The following AKAP6 variants were observed in gnomAD, a reference collection of about 807,000 sequenced individuals.
AKAP6 encodes A-kinase anchor protein 6.
A neutral mutation model predicts 188.5 loss-of-function variants in AKAP6; 58 were observed. The observed-to-expected ratio is 0.31, with a 90% CI of 0.25 to 0.38. The LOEUF (loss-of-function observed/expected upper bound fraction) is 0.38, where lower values mean the gene tolerates loss of function less well. AKAP6 is among the 10% of genes least tolerant of loss of function. The pLI is 1.00. For synonymous variants in AKAP6, 989 were observed against 998.6 expected (o/e 0.99, Z 0.18); for missense variants, 2,710 against 2,740.0 (o/e 0.99, Z 0.24).
At chr14:32,610,635 C>T (rs1886313945) in intron 7 of AKAP6, among the ~76,000 whole-genome samples, 1 of 151,976 alleles carries the variant, frequency 6.6e-6, no homozygotes, top group South Asian at 2.1e-4. Flanking sequence ...CCTGGGAAGG[C>T]CTAAGAGAAG....
At chr14:32,343,133 G>C (rs1219639256) in intron 1 of AKAP6, among the ~76,000 whole-genome samples, 1 of 152,132 alleles carries the variant, frequency 6.6e-6, no homozygotes, top group Non-Finnish European at 1.5e-5. Flanking sequence ...GATCTTCTGG[G>C]TTCAAATCTC....
At chr14:32,558,956 A>C (rs765988702) in intron 4 of AKAP6, among the ~76,000 whole-genome samples, 2 of 152,224 alleles carry the variant, frequency 1.3e-5, no homozygotes, top group African/African-American at 2.4e-5. Flanking sequence ...TAAGCTATGA[A>C]TATTGGGAGG....
At chr14:32,449,037 T>G (rs1890845749) in intron 2 of AKAP6, among the ~76,000 whole-genome samples, 1 of 152,202 alleles carries the variant, frequency 6.6e-6, no homozygotes, top group Non-Finnish European at 1.5e-5. Context: ...AAGCTCTCAT[T>G]CCCAGGTAGA....
chr14:32,818,991 C>T (rs1332032363), intron 12 of AKAP6, among the ~76,000 whole-genome samples: 2 of 152,138 alleles, frequency 1.3e-5, no homozygotes, highest in African/African-American at 4.8e-5. Context: ...ATTGATTGTT[C>T]CTACAGCTGA....
intron 5 of AKAP6, among the ~76,000 whole-genome samples, chr14:32,589,002 A>T (rs967736009): frequency 6.6e-6 from 1 of 152,022 alleles, no homozygotes; most frequent in Non-Finnish European, 1.5e-5. Flanking sequence ...TCCGTTTTTC[A>T]TTGCTTGAAG....
intron 1 of AKAP6, among the ~76,000 whole-genome samples, chr14:32,355,394 G>C (rs150345304): frequency 6.7e-6 from 1 of 149,622 alleles, no homozygotes; most frequent in African/African-American, 2.5e-5. Flanking sequence ...ATAAATGTTT[G>C]TTCCCTAAGT....
chr14:32,761,439 A>G (rs1157083375), intron 11 of AKAP6, among the ~76,000 whole-genome samples: 2 of 152,206 alleles, frequency 1.3e-5, no homozygotes, highest in Non-Finnish European at 2.9e-5. Flanking sequence ...TAGAAAATTA[A>G]GAATATATTA....
intron 7 of AKAP6, among the ~76,000 whole-genome samples, chr14:32,626,516 C>T (rs956842847): frequency 9.2e-5 from 14 of 152,188 alleles, no homozygotes; most frequent in East Asian, 7.8e-4. Context: ...AGCACGAAAT[C>T]GCTTCTCCAG....
chr14:32,517,790 G>A (rs767959930), intron 2 of AKAP6, among the ~76,000 whole-genome samples: 6 of 152,222 alleles, frequency 3.9e-5, no homozygotes, highest in Non-Finnish European at 8.8e-5. Context: ...TGAACAAAAG[G>A]CAACAGAAAC....
At chr14:32,726,446 A>T (rs1419387815) in intron 9 of AKAP6, among the ~76,000 whole-genome samples, 2 of 152,252 alleles carry the variant, frequency 1.3e-5, no homozygotes, top group African/African-American at 4.8e-5. Context: ...TAATTTTTGT[A>T]ATTTGATTCC....
intron 1 of AKAP6, among the ~76,000 whole-genome samples, chr14:32,380,606 A>G (rs1888322747): frequency 6.6e-6 from 1 of 152,228 alleles, no homozygotes; most frequent in Non-Finnish European, 1.5e-5. Context: ...TCTTCCTTCA[A>G]GAGGCATATA....
chr14:32,544,379 C>T (rs1883093520), intron 3 of AKAP6, among the ~76,000 whole-genome samples: 1 of 152,164 alleles, frequency 6.6e-6, no homozygotes, highest in Non-Finnish European at 1.5e-5. Context: ...TCAGAAACTG[C>T]ATTAGTAATG....
chr14:32,830,034 C>T lies in AKAP6; in HGVS notation c.*229C>T. 1.4e-6 allele frequency: 1 copy of T among 692,528 alleles called. No individual in the cohort carries two copies. The highest frequency in any genetic ancestry group is 2.6e-6 in the Non-Finnish European group (1 of 379,138). 42.9% of individuals were successfully genotyped at this position (692,528 alleles called of 1,614,324 possible). A position where few individuals can be genotyped will look rare whatever the true frequency, so the allele number is the denominator to read the frequency against. The stretch of plus-strand genomic sequence containing the variant: ...GCGCTGGTTCTCTTTAGGTGATCGT[C>T]TTTGAAGTTCAGCAAAGCTGCTTGT... On this transcript the variant is annotated 3_prime_UTR_variant, in exon 14 of 14. Transcript: ENST00000280979.
intron 1 of AKAP6, among the ~76,000 whole-genome samples, chr14:32,429,499 T>C (rs1890146283): frequency 6.6e-6 from 1 of 152,226 alleles, no homozygotes; most frequent in Non-Finnish European, 1.5e-5. Flanking sequence ...AAAAAGAGTA[T>C]GACCATCCAT....
chr14:32,472,113 G>C (rs1878814797), intron 2 of AKAP6, among the ~76,000 whole-genome samples: 1 of 152,180 alleles, frequency 6.6e-6, no homozygotes, highest in Non-Finnish European at 1.5e-5. Context: ...GCACCTCTGA[G>C]AGGTGAGGGA....
intron 2 of AKAP6, among the ~76,000 whole-genome samples, chr14:32,524,795 G>A (rs909375590): frequency 6.6e-6 from 1 of 152,186 alleles, no homozygotes; most frequent in Non-Finnish European, 1.5e-5. Context: ...TTCAGCATCA[G>A]TCAGCCTAGA....
chr14:32,597,451 T>G (rs1343703420), intron 5 of AKAP6, among the ~76,000 whole-genome samples: 2 of 152,222 alleles, frequency 1.3e-5, no homozygotes, highest in East Asian at 1.9e-4. Flanking sequence ...TGTATCTCAT[T>G]CTGCATGGCA....
At chr14:32,337,380 G>A (rs934297515) in intron 1 of AKAP6, among the ~76,000 whole-genome samples, 1 of 152,012 alleles carries the variant, frequency 6.6e-6, no homozygotes, top group African/African-American at 2.4e-5. Flanking sequence ...CACTGTAGAG[G>A]AACACCTGCC....
intron 7 of AKAP6, among the ~76,000 whole-genome samples, chr14:32,630,002 G>T (rs1214416678): frequency 1.3e-5 from 2 of 152,140 alleles, no homozygotes; most frequent in African/African-American, 4.8e-5. Context: ...GAGAGGAAAA[G>T]AAAACTGCCT....
Sources: allele counts gnomAD v4.1 joint callset (sites outside exome capture counted in the v4.1 genomes callset), GRCh38; gene constraint gnomAD v4.1.1; transcripts MANE v1.5; gene names NCBI Gene and HGNC (gene_info 2026-07-23, HGNC 2026-07-21).